The following CPED1 variants were observed in gnomAD, a reference collection of about 807,000 sequenced individuals.
CPED1 encodes the protein cadherin like and PC-esterase domain containing 1.
A neutral mutation model predicts 128.2 loss-of-function variants in CPED1; 114 were observed. The observed-to-expected ratio is 0.89, with a 90% CI of 0.76 to 1.04. The LOEUF (loss-of-function observed/expected upper bound fraction) is 1.04, where lower values mean the gene tolerates loss of function less well. Ranked by LOEUF, CPED1 falls within the 50% of genes least tolerant of loss-of-function variation. CPED1 has a pLI of 0.00. For synonymous variants in CPED1, 462 were observed against 426.7 expected, an observed-to-expected ratio of 1.08 and a Z score of -1.02; for missense variants, 1,211 against 1,207.1, an observed-to-expected ratio of 1.00 and a Z score of -0.05.
chr7:121,141,612 A>T (rs771133025), intron 15 of CPED1, among the ~76,000 whole-genome samples: 1 of 152,022 alleles, frequency 6.6e-6, no homozygotes, highest in Non-Finnish European at 1.5e-5. Flanking sequence ...TGACTCTTCT[A>T]TGTGACTTTG....
At chr7:120,990,932 C>G (rs1023636947) in intron 2 of CPED1, among the ~76,000 whole-genome samples, 26 of 152,300 alleles carry the variant, frequency 1.7e-4, no homozygotes, top group African/African-American at 6.3e-4. Context: ...GAGACAGGTA[C>G]AGTAGATAGG....
intron 16 of CPED1, among the ~76,000 whole-genome samples, chr7:121,199,102 T>G (rs560331631): frequency 2.0e-5 from 3 of 152,268 alleles, no homozygotes; most frequent in African/African-American, 7.2e-5. Context: ...GAATTACAAG[T>G]GCTCTTTAGC....
intron 22 of CPED1, among the ~76,000 whole-genome samples, chr7:121,292,720 T>C (rs1464558889): frequency 6.6e-6 from 1 of 152,116 alleles, no homozygotes. Context: ...GTCCTTTTTG[T>C]TGATGTTGAT....
chr7:121,130,095 A>G (rs1795624458), intron 11 of CPED1, 30 bp from the exon 12 acceptor site: 1 of 1,571,826 alleles, frequency 6.4e-7, no homozygotes, highest in Non-Finnish European at 8.7e-7. Context: ...TTTGTTTTCC[A>G]TAACTTATAC....
At chr7:121,271,956 A>G (rs563852226) in intron 22 of CPED1, among the ~76,000 whole-genome samples, 6 of 152,140 alleles carry the variant, frequency 3.9e-5, no homozygotes, top group Non-Finnish European at 7.4e-5. Flanking sequence ...GTGATAGCCT[A>G]AAACTATTTT....
chr7:121,023,323 C>G (rs1792489765), intron 3 of CPED1, among the ~76,000 whole-genome samples: 1 of 152,058 alleles, frequency 6.6e-6, no homozygotes. Context: ...TTTAGTAACT[C>G]AAGAGGGCAT....
At chr7:120,995,819 G>A (rs1562985399) in intron 2 of CPED1, among the ~76,000 whole-genome samples, 1 of 152,038 alleles carries the variant, frequency 6.6e-6, no homozygotes, top group Non-Finnish European at 1.5e-5. Context: ...GCGACATGGC[G>A]AGCTCCAAAT....
rs1796300664 is a variant in CPED1, at chr7:120,990,937, G to A, written c.249+1067G>A. On this transcript the variant is annotated intron_variant, in intron 2 of 22. Transcript: ENST00000310396. Reference sequence around the variant, plus strand: ...ACTGCCCTGTGAGACAGGTACAGTAGATAGGATTATTAGCATTTTATGAAC... The same window carrying A: ...ACTGCCCTGTGAGACAGGTACAGTAAATAGGATTATTAGCATTTTATGAAC... Among the ~76,000 whole-genome samples the A allele has an allele frequency of 3.3e-5, 5 of 152,322 alleles. No homozygotes were observed. In the South Asian group the frequency reaches 1.0e-3, roughly 32 times the overall value.
At chr7:121,078,201 C>T (rs1396761588) in intron 5 of CPED1, among the ~76,000 whole-genome samples, 1 of 152,010 alleles carries the variant, frequency 6.6e-6, no homozygotes. Context: ...TGCACCACCA[C>T]ACCCAGCTAA....
intron 17 of CPED1, among the ~76,000 whole-genome samples, chr7:121,240,678 G>A (rs562871158): frequency 3.3e-5 from 5 of 149,638 alleles, no homozygotes; most frequent in Non-Finnish European, 7.4e-5. Context: ...AAGACTCAGA[G>A]GCCTCAGTTC....
At chr7:121,042,099 C>T (rs573879548) in intron 3 of CPED1, among the ~76,000 whole-genome samples, 6 of 147,300 alleles carry the variant, frequency 4.1e-5, no homozygotes, top group Admixed American at 1.4e-4. Context: ...CTGGTTTCTC[C>T]GCAACAGGGA....
At chr7:121,252,284 C>T (rs1227606947) in intron 18 of CPED1, among the ~76,000 whole-genome samples, 4 of 152,026 alleles carry the variant, frequency 2.6e-5, no homozygotes, top group Non-Finnish European at 5.9e-5. Context: ...AAACTGGATC[C>T]CTTCCTTACC....
At chr7:121,133,595 TA>T (rs1760950841) in intron 12 of CPED1, among the ~76,000 whole-genome samples, 1 of 152,080 alleles carries the variant, frequency 6.6e-6, no homozygotes, top group African/African-American at 2.4e-5. Context: ...AGGGACTTTT[TA>T]CCCTGGTTTT....
chr7:121,246,052 T>C (rs1798523483), intron 18 of CPED1, among the ~76,000 whole-genome samples: 1 of 152,146 alleles, frequency 6.6e-6, no homozygotes, highest in African/African-American at 2.4e-5. Context: ...CTATAAATGT[T>C]GCACTGGGAG....
intron 16 of CPED1, among the ~76,000 whole-genome samples, chr7:121,169,895 G>T (rs1796611213): frequency 6.6e-6 from 1 of 152,064 alleles, no homozygotes; most frequent in Non-Finnish European, 1.5e-5. Flanking sequence ...CTTTAGCATG[G>T]ATGGCTCCAA....
Position 121,202,349 on chromosome 7 carries a change from G to C in CPED1, c.2056-34365G>C, listed in dbSNP as rs1360318362. Among the ~76,000 whole-genome samples, 4 of 152,104 alleles carry C rather than the reference G, an allele frequency of 2.6e-5. No individual in the cohort carries two copies. In the East Asian group the frequency reaches 7.7e-4, roughly 29 times the overall value. ...TACGGCAACCAGTCATTGGAGACAGGAGGAAGTGGAGAGGATATCTTCAGT... is the reference window on the plus strand; with the variant it reads ...TACGGCAACCAGTCATTGGAGACAGCAGGAAGTGGAGAGGATATCTTCAGT... On this transcript the variant is annotated intron_variant, in intron 16 of 22. Coordinates refer to ENST00000310396, the MANE Select transcript of CPED1 (RefSeq NM_024913.5).
intron 3 of CPED1, among the ~76,000 whole-genome samples, chr7:121,017,145 A>G (rs1247233989): frequency 6.6e-6 from 1 of 152,204 alleles, no homozygotes; most frequent in Non-Finnish European, 1.5e-5. Flanking sequence ...GAGAAGAAAG[A>G]AGGTCTTAAA....
intron 16 of CPED1, among the ~76,000 whole-genome samples, chr7:121,162,011 C>T (rs1796423048): frequency 6.6e-6 from 1 of 152,200 alleles, no homozygotes; most frequent in African/African-American, 2.4e-5. Flanking sequence ...CTACACTGTT[C>T]TTGTCAGATT....
intron 16 of CPED1, among the ~76,000 whole-genome samples, chr7:121,222,904 A>C (rs1797915201): frequency 6.6e-6 from 1 of 152,210 alleles, no homozygotes; most frequent in Non-Finnish European, 1.5e-5. Flanking sequence ...ATCTGCAAAC[A>C]GGGACAATTT....
Sources: allele counts gnomAD v4.1 joint callset (sites outside exome capture counted in the v4.1 genomes callset), GRCh38; gene constraint gnomAD v4.1.1; transcripts MANE v1.5; gene names NCBI Gene and HGNC (gene_info 2026-07-23, HGNC 2026-07-21).